CLSTN2: variants seen among roughly 807,000 people sequenced by gnomAD.
CLSTN2 encodes calsyntenin 2, also known as calsyntenin-2.
A neutral mutation model predicts 101.2 loss-of-function variants in CLSTN2; 48 were observed. The ratio of observed to expected loss-of-function variants is 0.47; its 90% confidence interval spans 0.38 to 0.60. The LOEUF is 0.60. CLSTN2 is among the 20% of genes least tolerant of loss of function. The pLI is 0.00. For missense variants in CLSTN2, 1,160 were observed against 1,238.2 expected, an observed-to-expected ratio of 0.94 and a Z score of 0.95; for synonymous variants, 481 against 463.6, an observed-to-expected ratio of 1.04 and a Z score of -0.48.
At chr3:140,274,790 A>C (rs1396541590) in intron 2 of CLSTN2, among the ~76,000 whole-genome samples, 1 of 152,208 alleles carries the variant, frequency 6.6e-6, no homozygotes, top group Non-Finnish European at 1.5e-5. Context: ...ATCAGAGAGA[A>C]AAATAACAGG....
chr3:140,297,254 G>A (rs1228831205), intron 2 of CLSTN2, among the ~76,000 whole-genome samples: 2 of 152,194 alleles, frequency 1.3e-5, no homozygotes, highest in African/African-American at 2.4e-5. Context: ...AGGCAATTTT[G>A]CACAGATATC....
At chr3:140,519,698 G>T (rs1489384979) in intron 8 of CLSTN2, among the ~76,000 whole-genome samples, 2 of 151,630 alleles carry the variant, frequency 1.3e-5, no homozygotes, top group Non-Finnish European at 2.9e-5. Context: ...TTGAGCCTAT[G>T]TGTGACTTTG....
chr3:140,005,569 G>A (rs2006938183), intron 1 of CLSTN2, among the ~76,000 whole-genome samples: 1 of 152,106 alleles, frequency 6.6e-6, no homozygotes, highest in South Asian at 2.1e-4. Context: ...AGCTTGATAT[G>A]TGCTCATCCC....
chr3:140,042,272 T>G (rs1320678459), intron 1 of CLSTN2, among the ~76,000 whole-genome samples: 1 of 152,220 alleles, frequency 6.6e-6, no homozygotes, highest in Admixed American at 6.5e-5. Flanking sequence ...ATCTACTTTA[T>G]GTTTCTGCTG....
chr3:140,279,665 G>A (rs1238013408), intron 2 of CLSTN2, among the ~76,000 whole-genome samples: 3 of 152,154 alleles, frequency 2.0e-5, no homozygotes, highest in African/African-American at 7.2e-5. Context: ...TGGTGGATGA[G>A]CCCCTCAAGG....
chr3:140,362,695 C>T (rs1412429868), intron 2 of CLSTN2, among the ~76,000 whole-genome samples: 1 of 152,050 alleles, frequency 6.6e-6, no homozygotes, highest in Admixed American at 6.6e-5. Flanking sequence ...TAAGGATGTT[C>T]AATAAGCACA....
At chr3:140,301,630 G>T (rs2087059835) in intron 2 of CLSTN2, among the ~76,000 whole-genome samples, 1 of 152,214 alleles carries the variant, frequency 6.6e-6, no homozygotes, top group African/African-American at 2.4e-5. Context: ...TGCCCCAAAA[G>T]GGTCACAGGG....
At chr3:140,069,229 A>G (rs985434762) in intron 1 of CLSTN2, among the ~76,000 whole-genome samples, 1 of 152,124 alleles carries the variant, frequency 6.6e-6, no homozygotes, top group African/African-American at 2.4e-5. Flanking sequence ...CCCTCTCTGT[A>G]TATAGCAAAA....
At chr3:140,353,285 C>A (rs2087632060) in intron 2 of CLSTN2, among the ~76,000 whole-genome samples, 1 of 147,578 alleles carries the variant, frequency 6.8e-6, no homozygotes, top group South Asian at 2.1e-4. Context: ...TTTTAACTCA[C>A]ATGATCACAA....
At chr3:140,125,629 GAC>G (rs2009417038) in intron 1 of CLSTN2, among the ~76,000 whole-genome samples, 1 of 152,082 alleles carries the variant, frequency 6.6e-6, no homozygotes, top group Non-Finnish European at 1.5e-5. Context: ...TGGGGAGTGA[GAC>G]AGCAAATTTA....
chr3:140,385,320 A>G (rs963309068), intron 2 of CLSTN2, among the ~76,000 whole-genome samples: 3 of 145,722 alleles, frequency 2.1e-5, no homozygotes, highest in Non-Finnish European at 4.5e-5. Flanking sequence ...AAGATTAGAA[A>G]TTTGGCTCAT....
At chr3:140,222,557 C>T (rs907302656) in intron 2 of CLSTN2, among the ~76,000 whole-genome samples, 2 of 152,066 alleles carry the variant, frequency 1.3e-5, no homozygotes, top group African/African-American at 4.8e-5. Context: ...GCATTGCATG[C>T]TTATATCAAA....
chr3:140,104,692 G>C (rs1350098799), intron 1 of CLSTN2, among the ~76,000 whole-genome samples: 2 of 152,246 alleles, frequency 1.3e-5, no homozygotes, highest in Admixed American at 1.3e-4. Context: ...TAAAAGGCAA[G>C]ATTAGATATG....
chr3:140,022,598 G>C (rs1238475347), intron 1 of CLSTN2, among the ~76,000 whole-genome samples: 1 of 152,212 alleles, frequency 6.6e-6, no homozygotes, highest in Non-Finnish European at 1.5e-5. Flanking sequence ...GTTTGGTAAG[G>C]CTCCAGCCAG....
intron 1 of CLSTN2, among the ~76,000 whole-genome samples, chr3:139,940,149 G>A (rs1353779801): frequency 6.6e-6 from 1 of 152,204 alleles, no homozygotes; most frequent in Non-Finnish European, 1.5e-5. Flanking sequence ...GGTATCTCCA[G>A]AGCCTTGCCT....
rs2107783158 is a variant in CLSTN2, at chr3:140,085,470, G to C, written c.110-90481G>C. On this transcript the variant is annotated intron_variant, in intron 1 of 16. Coordinates refer to ENST00000458420, the MANE Select transcript of CLSTN2 (RefSeq NM_022131.3). ...AGTCTTCTGCTCACAGTCTTACCCT[G>C]CTGGGACCAACCTCACCTAGAAGCA... 2.0e-5 allele frequency among the ~76,000 whole-genome samples: 3 copies of C among 152,272 alleles called. No individual in the cohort carries two copies. The South Asian group carries it at 6.2e-4, about 32-fold the overall frequency.
intron 1 of CLSTN2, among the ~76,000 whole-genome samples, chr3:140,085,764 G>C (rs2008670733): frequency 6.6e-6 from 1 of 152,162 alleles, no homozygotes; most frequent in Non-Finnish European, 1.5e-5. Flanking sequence ...ACAATGTCTA[G>C]AGGGAAAACT....
At chr3:140,254,438 T>C (rs1406447910) in intron 2 of CLSTN2, among the ~76,000 whole-genome samples, 2 of 152,202 alleles carry the variant, frequency 1.3e-5, no homozygotes, top group Non-Finnish European at 2.9e-5. Context: ...AGCAGAACCA[T>C]GTCATTTATG....
At chr3:140,214,306 G>T (rs2010895032) in intron 2 of CLSTN2, among the ~76,000 whole-genome samples, 1 of 151,960 alleles carries the variant, frequency 6.6e-6, no homozygotes, top group Non-Finnish European at 1.5e-5. Context: ...GCTGGGTGTG[G>T]TGCTGGGTGT....
Sources: allele counts gnomAD v4.1 joint callset (sites outside exome capture counted in the v4.1 genomes callset), GRCh38; gene constraint gnomAD v4.1.1; transcripts MANE v1.5; gene names NCBI Gene and HGNC (gene_info 2026-07-23, HGNC 2026-07-21).